The following RIMS1 variants were observed in gnomAD, a reference collection of about 807,000 sequenced individuals.
RIMS1 encodes regulating synaptic membrane exocytosis protein 1.
RIMS1 carries 83 observed loss-of-function variants against 214.1 expected under a neutral mutation model. The ratio of observed to expected loss-of-function variants is 0.39; its 90% CI spans 0.32 to 0.47. The LOEUF (loss-of-function observed/expected upper bound fraction) is 0.47, where lower values mean the gene tolerates loss of function less well. Ranked by LOEUF, RIMS1 falls within the 20% of genes least tolerant of loss-of-function variation. The pLI is 0.99. For missense variants in RIMS1, 2,050 were observed against 2,161.8 expected (o/e 0.95, Z 1.03); for synonymous variants, 793 against 786.8 (o/e 1.01, Z -0.13).
chr6:71,936,536 C>T (rs898913429), intron 1 of RIMS1, among the ~76,000 whole-genome samples: 1 of 152,092 alleles, frequency 6.6e-6, no homozygotes, highest in Admixed American at 6.5e-5. Context: ...CAGTTCTTCC[C>T]TTTGGAAATA....
chr6:72,333,170 T>G (rs2096728474), intron 28 of RIMS1, among the ~76,000 whole-genome samples: 1 of 151,938 alleles, frequency 6.6e-6, no homozygotes, highest in Admixed American at 6.6e-5. Flanking sequence ...TCTTAAGCCT[T>G]GTTATGTGGC....
At chr6:72,240,477 A>G (rs2066269408) in intron 9 of RIMS1, among the ~76,000 whole-genome samples, 1 of 151,662 alleles carries the variant, frequency 6.6e-6, no homozygotes. Flanking sequence ...ATATGTATGT[A>G]CTCATATAAT....
intron 4 of RIMS1, among the ~76,000 whole-genome samples, chr6:72,134,130 G>A (rs1183675715): frequency 6.6e-6 from 1 of 151,956 alleles, no homozygotes; most frequent in Non-Finnish European, 1.5e-5. Flanking sequence ...AGACAATACT[G>A]CAGATGTGTT....
chr6:71,956,017 T>C lies in RIMS1; in HGVS notation c.165-12966T>C, dbSNP rs185185797. 2.2e-4 allele frequency among the ~76,000 whole-genome samples: 33 copies of C among 152,242 alleles called. 1 individual carries two copies. In the East Asian group the frequency reaches 6.0e-3, roughly 28 times the overall value. Reference sequence around the variant, plus strand: ...AAGGTAGAAAAGTTTTTCAATGAGGTAATTATGTAGTATTAGAGACAATGT... The same window carrying C: ...AAGGTAGAAAAGTTTTTCAATGAGGCAATTATGTAGTATTAGAGACAATGT... On this transcript the variant is annotated intron_variant, in intron 1 of 33. Transcript: ENST00000521978.
intron 4 of RIMS1, among the ~76,000 whole-genome samples, chr6:72,113,842 G>C (rs1314855355): frequency 6.6e-6 from 1 of 151,996 alleles, no homozygotes; most frequent in Non-Finnish European, 1.5e-5. Context: ...AAAAATATAG[G>C]ATTCTCAATT....
intron 1 of RIMS1, among the ~76,000 whole-genome samples, chr6:71,895,599 G>A (rs532286563): frequency 4.0e-5 from 6 of 150,148 alleles, no homozygotes; most frequent in East Asian, 2.0e-4. Flanking sequence ...TCTTGAACCC[G>A]GGAGGCGGAG....
At chr6:72,319,063 T>C (rs1394216403) in intron 28 of RIMS1, among the ~76,000 whole-genome samples, 1 of 152,004 alleles carries the variant, frequency 6.6e-6, no homozygotes, top group African/African-American at 2.4e-5. Context: ...AAGGATAATA[T>C]TTAAAAATAA....
intron 4 of RIMS1, among the ~76,000 whole-genome samples, chr6:72,107,397 C>T (rs2034981767): frequency 6.6e-6 from 1 of 152,080 alleles, no homozygotes; most frequent in African/African-American, 2.4e-5. Flanking sequence ...CCTGTTTCTA[C>T]TAAAAATACA....
intron 2 of RIMS1, among the ~76,000 whole-genome samples, chr6:72,060,993 A>C (rs774027241): frequency 1.9e-4 from 29 of 152,142 alleles, no homozygotes; most frequent in Non-Finnish European, 3.7e-4. Context: ...TGAGATGCAG[A>C]TATTGATATT....
chr6:72,024,990 G>A lies in RIMS1; in HGVS notation c.245+55927G>A, dbSNP rs191239869. On this transcript the variant is annotated intron_variant, in intron 2 of 33. Transcript: ENST00000521978. ...ACTATCTCGGCTCAGAGCAACCTCC[G>A]CCTCCTGGGTTCAAGCAATTCTCCA... Among the ~76,000 whole-genome samples the A allele has an allele frequency of 6.0e-5, 8 of 132,368 alleles. No individual in the cohort carries two copies. In the East Asian group the frequency reaches 1.2e-3, roughly 20 times the overall value. The allele number at this position is 132,368 out of a possible 152,430, so 86.8% of individuals were successfully genotyped here.
At chr6:72,396,905 C>A (rs757765393) in intron 31 of RIMS1, among the ~76,000 whole-genome samples, 1 of 152,072 alleles carries the variant, frequency 6.6e-6, no homozygotes, top group Non-Finnish European at 1.5e-5. Context: ...CCCAGCTACT[C>A]AGGAGACTGA....
At chr6:72,066,940 G>A (rs1323968546) in intron 2 of RIMS1, among the ~76,000 whole-genome samples, 1 of 152,024 alleles carries the variant, frequency 6.6e-6, no homozygotes, top group Non-Finnish European at 1.5e-5. Context: ...ACTAAATTCT[G>A]TGAGCTCTAC....
At chr6:72,191,390 G>C (rs1360833761) in intron 6 of RIMS1, among the ~76,000 whole-genome samples, 1 of 152,184 alleles carries the variant, frequency 6.6e-6, no homozygotes, top group Non-Finnish European at 1.5e-5. Context: ...CTGAATTTTA[G>C]TCGAATTTAT....
chr6:72,353,501 A>G (rs2097533489), intron 29 of RIMS1, among the ~76,000 whole-genome samples: 2 of 152,222 alleles, frequency 1.3e-5, no homozygotes, highest in East Asian at 1.9e-4. Flanking sequence ...CCTGTTCAAT[A>G]CAACATAGAC....
intron 23 of RIMS1, among the ~76,000 whole-genome samples, chr6:72,279,830 T>C (rs911958188): frequency 6.6e-6 from 1 of 151,918 alleles, no homozygotes; most frequent in Admixed American, 6.6e-5. Context: ...AGTTTCCTCA[T>C]CTCTAAACTT....
chr6:72,134,791 G>T (rs781569348), intron 4 of RIMS1, among the ~76,000 whole-genome samples: 4 of 151,948 alleles, frequency 2.6e-5, no homozygotes, highest in Admixed American at 6.6e-5. Context: ...TTCTAAAAAA[G>T]AAATAAAAAT....
At chr6:71,934,417 G>T (rs1783941153) in intron 1 of RIMS1, among the ~76,000 whole-genome samples, 1 of 152,170 alleles carries the variant, frequency 6.6e-6, no homozygotes, top group South Asian at 2.1e-4. Flanking sequence ...ACTGTACTCA[G>T]TCACCCTCCC....
At chr6:71,931,966 T>G (rs556709759) in intron 1 of RIMS1, among the ~76,000 whole-genome samples, 1 of 151,956 alleles carries the variant, frequency 6.6e-6, no homozygotes, top group East Asian at 1.9e-4. Flanking sequence ...TATTAAGAAG[T>G]CCAAAAAATA....
At chr6:72,209,942 CA>C (rs2053553123) in intron 6 of RIMS1, among the ~76,000 whole-genome samples, 2 of 133,200 alleles carry the variant, frequency 1.5e-5, no homozygotes, top group East Asian at 4.0e-4. Context: ...AAACATAAAA[CA>C]AAAAACATTT....
Sources: allele counts gnomAD v4.1 joint callset (sites outside exome capture counted in the v4.1 genomes callset), GRCh38; gene constraint gnomAD v4.1.1; transcripts MANE v1.5; gene names NCBI Gene and HGNC (gene_info 2026-07-23, HGNC 2026-07-21).